KMT5A: variants seen among roughly 807,000 people sequenced by gnomAD.
KMT5A encodes the protein lysine methyltransferase 5A.
KMT5A carries 6 observed loss-of-function variants against 40.6 expected under a neutral mutation model. The ratio of observed to expected loss-of-function variants is 0.15; its 90% CI spans 0.08 to 0.29. The LOEUF is 0.29. Among genes scored for constraint, KMT5A ranks in the 10% least tolerant of loss-of-function variants. The pLI is 1.00. For missense variants in KMT5A, 308 were observed against 459.1 expected (o/e 0.67, Z 3.01); for synonymous variants, 153 against 178.8 (o/e 0.86, Z 1.15).
rs574925288 is a variant in KMT5A at position 123,384,264 on chromosome 12, G to T, written c.10+56G>T. The T allele has an allele frequency of 1.3e-4, 203 of 1,604,426 alleles. No individual in the cohort carries two copies. The Middle Eastern group carries it at 3.1e-3, about 25-fold the overall frequency. On this transcript the variant is annotated intron_variant, in intron 1 of 7. Coordinates refer to ENST00000402868, the MANE Select transcript of KMT5A (RefSeq NM_020382.7). The surrounding 1 kb of genome is among the most constrained non-coding windows in gnomAD (Gnocchi z 5.7). ...GCTGGGTCGGGGGTCGTGCTGGAGG[G>T]GTTGCCGGGGTGGAGGCAGCGGCTG... is the stretch of plus-strand genomic sequence containing the variant.
intron 3 of KMT5A, among the ~76,000 whole-genome samples, chr12:123,393,762 G>A (rs1339157020): frequency 1.3e-5 from 2 of 152,066 alleles, no homozygotes; most frequent in Non-Finnish European, 2.9e-5. Flanking sequence ...GGCTGGTCTC[G>A]AACTCTTGAC....
intron 5 of KMT5A, among the ~76,000 whole-genome samples, chr12:123,401,525 A>G (rs1241015712): frequency 6.6e-6 from 1 of 151,320 alleles, no homozygotes; most frequent in African/African-American, 2.4e-5. Flanking sequence ...TAATATTGAT[A>G]TGTGAGGTTT....
At chr12:123,386,344 T>A (rs1192446364) in intron 1 of KMT5A, among the ~76,000 whole-genome samples, 1 of 151,664 alleles carries the variant, frequency 6.6e-6, no homozygotes, top group Non-Finnish European at 1.5e-5. Context: ...GCTTCCCAAG[T>A]AGCTGGGATT....
At chr12:123,388,967 C>T (rs1877044379) in intron 1 of KMT5A, 1 of 144,798 alleles carries the variant, frequency 6.9e-6, no homozygotes, top group Non-Finnish European at 1.5e-5. Flanking sequence ...GGCGGGAGGG[C>T]TGCGGAGGAC....
chr12:123,407,055 G>A (rs1349592316), intron 7 of KMT5A, among the ~76,000 whole-genome samples: 1 of 131,958 alleles, frequency 7.6e-6, no homozygotes, highest in Non-Finnish European at 1.6e-5. Context: ...TTTGCAAATT[G>A]AGCCAGACCT....
At chr12:123,406,523 A>C (rs1199958967) in intron 7 of KMT5A, among the ~76,000 whole-genome samples, 1 of 152,078 alleles carries the variant, frequency 6.6e-6, no homozygotes, top group Non-Finnish European at 1.5e-5. Context: ...CATGGTGGCC[A>C]GGCTGGTTTT....
rs767742472 is a variant in KMT5A at position 123,395,172 on chromosome 12, A to G, written c.415A>G (p.Lys139Glu). 6.2e-7 allele frequency: 1 copy of G among 1,612,916 alleles called. No homozygotes were observed. Among genetic ancestry groups the G allele is most frequent in the South Asian group, 1.1e-5 (1 of 90,836 alleles). Residue 139 changes from lysine (K) to glutamate (E), a missense_variant, in exon 4 of 8, where the codon AAA becomes GAA. This residue lies in a region of KMT5A where 127 missense variants were observed against 129.8 expected (regional missense o/e 0.98). Coordinates refer to ENST00000402868, the MANE Select transcript of KMT5A (RefSeq NM_020382.7). ...NQKSEAAEPP[K>E]TPPSSCDSTN... ...AAAATCTGAAGCAGCAGAACCTCCA[A>G]AAACTCCACCCTCATCTTGTGATTC...
At chr12:123,403,277 T>C (rs1663774598) in intron 5 of KMT5A, among the ~76,000 whole-genome samples, 1 of 152,264 alleles carries the variant, frequency 6.6e-6, no homozygotes, top group African/African-American at 2.4e-5. Flanking sequence ...TTTAACGTGC[T>C]GCATGGGCAA....
Position 123,396,421 on chromosome 12 carries a change from G to T in KMT5A, c.586G>T (p.Ala196Ser). ...PVRRSSRKSKAELQSEERKRI... is the reference protein window; with the variant it reads ...PVRRSSRKSKSELQSEERKRI... ...CCGAAGGAGCTCCAGGAAGAGCAAA[G>T]CCGAGCTGCAGGTAGTCACGTGCTT... Residue 196 changes from alanine (A) to serine (S), a missense_variant, in exon 5 of 8, where the codon GCC (alanine) becomes TCC (serine). Transcript: ENST00000402868. 6.2e-7 allele frequency: 1 copy of T among 1,614,068 alleles called. No homozygotes were observed. Among genetic ancestry groups the T allele is most frequent in the Non-Finnish European group, 8.5e-7 (1 of 1,179,980 alleles).
rs994372721 is a variant in KMT5A, at chr12:123,409,173, C to G, written c.*1470C>G. 1 of 152,576 alleles carries G rather than the reference C, an allele frequency of 6.6e-6. No homozygotes were observed. Among genetic ancestry groups the G allele is most frequent in the African/African-American group, 2.4e-5 (1 of 41,450 alleles). 9.5% of individuals were successfully genotyped at this position (152,576 alleles called of 1,614,324 possible). A position where few individuals can be genotyped will look rare whatever the true frequency, so the allele number is the denominator to read the frequency against. On this transcript the variant is annotated 3_prime_UTR_variant, in exon 8 of 8. Transcript: ENST00000402868. The stretch of plus-strand genomic sequence containing the variant: ...CCTAAGAAAGTCTTCCCTCCCACCC[C>G]CCGCTAGCCTGGTCAGTGGTCAGCA...
chr12:123,395,243 G>A lies in KMT5A; in HGVS notation c.486G>A (p.Lys162=). The A allele has an allele frequency of 6.2e-7, 1 of 1,613,330 alleles. No homozygotes were observed. Among genetic ancestry groups the A allele is most frequent in the Non-Finnish European group, 8.5e-7 (1 of 1,179,728 alleles). Residue 162 remains lysine (K), a synonymous_variant, in exon 4 of 8, where the codon AAG becomes AAA. Coordinates refer to ENST00000402868, the MANE Select transcript of KMT5A (RefSeq NM_020382.7). ...IAKQALKKPI[K]GKQAPRKKAQ... ...AGCAAGCCCTGAAAAAGCCCATCAA[G>A]GGCAAACAGGCCCCCCGAAAAAAGT... is the stretch of plus-strand genomic sequence containing the variant.
chr12:123,403,515 C>T (rs1878329973), intron 5 of KMT5A, 58 bp from the exon 6 acceptor site: 2 of 1,591,320 alleles, frequency 1.3e-6, no homozygotes, highest in Non-Finnish European at 1.7e-6. Flanking sequence ...GACCATCAAG[C>T]TACGCACGAT....
intron 3 of KMT5A, among the ~76,000 whole-genome samples, chr12:123,394,432 T>C (rs949700755): frequency 2.6e-5 from 4 of 152,276 alleles, no homozygotes; most frequent in Non-Finnish European, 2.9e-5. Context: ...AAGTAAAACA[T>C]TTTTTAAAAA....
In KMT5A at chr12:123,409,170, C is replaced by T. The variant is rs528369028; in HGVS notation, c.*1467C>T. 5 of 152,548 alleles carry T rather than the reference C, an allele frequency of 3.3e-5. No homozygotes were observed. Among genetic ancestry groups the T allele is most frequent in the African/African-American group, 9.6e-5 (4 of 41,512 alleles). 9.4% of individuals were successfully genotyped at this position (152,548 alleles called of 1,614,324 possible). A position where few individuals can be genotyped will look rare whatever the true frequency, so the allele number is the denominator to read the frequency against. ...CTACCTAAGAAAGTCTTCCCTCCCA[C>T]CCCCCGCTAGCCTGGTCAGTGGTCA... is the stretch of plus-strand genomic sequence containing the variant. On this transcript the variant is annotated 3_prime_UTR_variant, in exon 8 of 8. Coordinates refer to ENST00000402868, the MANE Select transcript of KMT5A (RefSeq NM_020382.7).
At chr12:123,385,165 A>T (rs901542292) in intron 1 of KMT5A, among the ~76,000 whole-genome samples, 1 of 152,190 alleles carries the variant, frequency 6.6e-6, no homozygotes, top group Non-Finnish European at 1.5e-5. Context: ...TGATTCATTC[A>T]GTAAATATCT....
intron 3 of KMT5A, 85 bp downstream of exon 3, chr12:123,390,871 T>A: frequency 3.4e-6 from 5 of 1,457,192 alleles, no homozygotes; most frequent in Non-Finnish European, 4.7e-6. Flanking sequence ...ACATATGTAT[T>A]TATCCAACCT....
intron 1 of KMT5A, chr12:123,389,119 C>T (rs1469606072): frequency 3.8e-3 from 1 of 260 alleles, no homozygotes; most frequent in Non-Finnish European, 0.011. Flanking sequence ...CGGGGCGCCG[C>T]GGCGGCGCTG....
In KMT5A at chr12:123,403,192, C is replaced by T. The variant is rs762802804; in HGVS notation, c.598-381C>T. 5.3e-5 allele frequency among the ~76,000 whole-genome samples: 8 copies of T among 152,246 alleles called. No individual in the cohort carries two copies. In the East Asian group the frequency reaches 7.7e-4, roughly 15 times the overall value. ...TGTTGCGATTACAGGCGTGAGCCAC[C>T]GCGCCTGGCCCACTGTACCTGATTT... On this transcript the variant is annotated intron_variant, in intron 5 of 7. Transcript: ENST00000402868.
chr12:123,384,172 G>T lies in KMT5A; in HGVS notation c.-27G>T, dbSNP rs543858100. On this transcript the variant is annotated 5_prime_UTR_variant, in exon 1 of 8. Coordinates refer to ENST00000402868, the MANE Select transcript of KMT5A (RefSeq NM_020382.7). This position sits in a 1 kb window ranked among gnomAD's most constrained non-coding sequence, Gnocchi z 5.7. ...TTTTCGAAAGCTGGGTTTCCCGGGA[G>T]ATCCCAGGCGGTGACAGAGTGGAGC... 1.9e-6 allele frequency: 3 copies of T among 1,613,600 alleles called. No homozygotes were observed. Among genetic ancestry groups the T allele is most frequent in the African/African-American group, 1.3e-5 (1 of 75,048 alleles).
Sources: allele counts gnomAD v4.1 joint callset (sites outside exome capture counted in the v4.1 genomes callset), GRCh38; gene constraint gnomAD v4.1.1; regional missense constraint gnomAD v4.1.1; non-coding constraint Gnocchi (gnomAD v3.1); transcripts MANE v1.5; gene names NCBI Gene and HGNC (gene_info 2026-07-23, HGNC 2026-07-21).